IGSF11: variants seen among roughly 807,000 people sequenced by gnomAD.
IGSF11 encodes the protein immunoglobulin superfamily member 11.
A neutral mutation model predicts 41.0 loss-of-function variants in IGSF11; 22 were observed. That is an observed-to-expected ratio of 0.54 (90% CI 0.38 to 0.77). The LOEUF (loss-of-function observed/expected upper bound fraction) is 0.77. IGSF11 is among the 30% of genes least tolerant of loss of function. The pLI is 0.00. For synonymous variants in IGSF11, 219 were observed against 201.3 expected (o/e 1.09, Z -0.74); for missense variants, 444 against 530.8 (o/e 0.84, Z 1.61).
chr3:119,055,382 C>T (rs1431296128), intron 1 of IGSF11, among the ~76,000 whole-genome samples: 4 of 152,168 alleles, frequency 2.6e-5, no homozygotes, highest in Non-Finnish European at 5.9e-5. Context: ...AAGGCCATTA[C>T]ATAACGCTAA....
At chr3:119,035,657 A>G (rs1940860973), upstream of IGSF11, among the ~76,000 whole-genome samples, 1 of 152,136 alleles carries the variant, frequency 6.6e-6, no homozygotes, top group Admixed American at 6.5e-5. Flanking sequence ...GTGGGGAGAA[A>G]GACTTTCCTA....
At chr3:118,946,211 C>T (rs1944123523) in intron 1 of IGSF11, among the ~76,000 whole-genome samples, 1 of 137,300 alleles carries the variant, frequency 7.3e-6, no homozygotes, top group African/African-American at 2.5e-5. Context: ...CACGCACACA[C>T]ACACACACAC....
chr3:119,075,519 C>A (rs1186591821), intron 1 of IGSF11, among the ~76,000 whole-genome samples: 3 of 152,236 alleles, frequency 2.0e-5, no homozygotes, highest in Admixed American at 2.0e-4. Flanking sequence ...AGAGACACAA[C>A]AGCAAACAAA....
At chr3:119,125,282 G>A (rs375835206) in intron 1 of IGSF11, among the ~76,000 whole-genome samples, 7 of 152,162 alleles carry the variant, frequency 4.6e-5, no homozygotes, top group Non-Finnish European at 1.0e-4. Flanking sequence ...TGTTATGCGC[G>A]TTCGTATAAG....
At chr3:119,045,782 C>G (rs549386554) in intron 1 of IGSF11, among the ~76,000 whole-genome samples, 2 of 151,854 alleles carry the variant, frequency 1.3e-5, no homozygotes, top group Non-Finnish European at 2.9e-5. Context: ...TCTCCCAGCA[C>G]GCAGCTGGAG....
intron 1 of IGSF11, among the ~76,000 whole-genome samples, chr3:119,024,040 C>T (rs1397275504): frequency 6.6e-6 from 1 of 152,132 alleles, no homozygotes; most frequent in Non-Finnish European, 1.5e-5. Flanking sequence ...TTGTCCAGCT[C>T]CCTGTAGCTC....
At chr3:118,973,396 G>A (rs1349399814) in intron 1 of IGSF11, among the ~76,000 whole-genome samples, 1 of 152,178 alleles carries the variant, frequency 6.6e-6, no homozygotes, top group Non-Finnish European at 1.5e-5. Context: ...TCTGTCAAGT[G>A]CCTAGGCTGC....
At chr3:118,959,650 A>G (rs1158856963) in intron 1 of IGSF11, among the ~76,000 whole-genome samples, 1 of 152,222 alleles carries the variant, frequency 6.6e-6, no homozygotes, top group Non-Finnish European at 1.5e-5. Flanking sequence ...TAGGTATCCT[A>G]AATTTTTAGG....
intron 1 of IGSF11, among the ~76,000 whole-genome samples, chr3:119,097,765 T>C (rs1188379970): frequency 6.6e-6 from 1 of 152,056 alleles, no homozygotes; most frequent in African/African-American, 2.4e-5. Flanking sequence ...TGCTGTTTAT[T>C]TTTCCAAGAT....
At chr3:119,076,168 A>C (rs1048539804) in intron 1 of IGSF11, among the ~76,000 whole-genome samples, 6 of 152,176 alleles carry the variant, frequency 3.9e-5, no homozygotes, top group Non-Finnish European at 5.9e-5. Flanking sequence ...GGAAAGGATT[A>C]CCTACTTAAT....
At chr3:119,062,083 G>T (rs1942071190) in intron 1 of IGSF11, among the ~76,000 whole-genome samples, 3 of 152,070 alleles carry the variant, frequency 2.0e-5, no homozygotes, top group Non-Finnish European at 4.4e-5. Flanking sequence ...ATTGAATCAG[G>T]TAATATGTAT....
upstream of IGSF11, among the ~76,000 whole-genome samples, chr3:119,107,678 A>G (rs2077058862): frequency 6.6e-6 from 1 of 152,148 alleles, no homozygotes; most frequent in Non-Finnish European, 1.5e-5. Flanking sequence ...TATGTCCTGA[A>G]TGGTAATGCC....
At chr3:119,133,506 C>A (rs1211600338) in intron 1 of IGSF11, among the ~76,000 whole-genome samples, 1 of 152,148 alleles carries the variant, frequency 6.6e-6, no homozygotes, top group Non-Finnish European at 1.5e-5. Flanking sequence ...TGCACCCTCT[C>A]AAGAATAAAC....
intron 1 of IGSF11, among the ~76,000 whole-genome samples, chr3:118,991,396 T>C (rs1359238160): frequency 6.6e-6 from 1 of 152,200 alleles, no homozygotes; most frequent in African/African-American, 2.4e-5. Flanking sequence ...TACCAAAGTA[T>C]GTAACAGGCT....
At chr3:118,979,244 G>A (rs1559735053) in intron 1 of IGSF11, among the ~76,000 whole-genome samples, 2 of 152,044 alleles carry the variant, frequency 1.3e-5, no homozygotes, top group African/African-American at 2.4e-5. Context: ...AAACAAATAA[G>A]AGCAAAGCCC....
At chr3:118,930,967 T>A (rs943651486) in intron 1 of IGSF11, among the ~76,000 whole-genome samples, 16 of 152,192 alleles carry the variant, frequency 1.1e-4, no homozygotes, top group African/African-American at 3.6e-4. Flanking sequence ...CTACCCAATT[T>A]TAAAACTTGC....
intron 1 of IGSF11, among the ~76,000 whole-genome samples, chr3:119,139,857 A>G (rs1001980204): frequency 9.9e-5 from 15 of 152,218 alleles, no homozygotes; most frequent in Non-Finnish European, 2.2e-4. Flanking sequence ...TATGAAAATA[A>G]TAATACAAAG....
At chr3:118,956,400 G>A (rs947878498) in intron 1 of IGSF11, among the ~76,000 whole-genome samples, 8 of 152,142 alleles carry the variant, frequency 5.3e-5, no homozygotes, top group Admixed American at 2.6e-4. Context: ...CTTTCAACAT[G>A]CCTTCCTCAC....
chr3:119,086,958 C>A (rs558278549), intron 1 of IGSF11, among the ~76,000 whole-genome samples: 1 of 152,250 alleles, frequency 6.6e-6, no homozygotes, highest in African/African-American at 2.4e-5. Context: ...ACAAAAGTGG[C>A]AGACTGAATA....
Sources: gnomAD v4.1 joint callset for allele counts (sites outside exome capture counted in the v4.1 genomes callset) on GRCh38, gnomAD v4.1.1 for gene constraint, MANE v1.5 for transcripts, NCBI Gene and HGNC (gene_info 2026-07-23, HGNC 2026-07-21) for gene names.